Variants in CFAP299 observed in about 807,000 individuals in gnomAD.
CFAP299 encodes cilia and flagella associated protein 299, also known as cilia- and flagella-associated protein 299.
CFAP299 carries 21 observed loss-of-function variants against 27.0 expected under a neutral mutation model. The ratio of observed to expected loss-of-function variants is 0.78; its 90% CI spans 0.55 to 1.12. CFAP299 has a LOEUF of 1.12. Among genes scored for constraint, CFAP299 ranks in the 50% most tolerant of loss-of-function variants. The pLI, the probability that CFAP299 is intolerant of heterozygous loss-of-function variation, is 0.00. For missense variants in CFAP299, 310 were observed against 276.6 expected, an observed-to-expected ratio of 1.12 and a Z score of -0.86; for synonymous variants, 104 against 98.1, an observed-to-expected ratio of 1.06 and a Z score of -0.36.
intron 2 of CFAP299, among the ~76,000 whole-genome samples, chr4:80,507,193 G>A (rs1019017541): frequency 6.6e-6 from 1 of 152,066 alleles, no homozygotes; most frequent in Admixed American, 6.6e-5. Context: ...GCAGGTGGGT[G>A]GTTGGGAAAG....
intron 3 of CFAP299, among the ~76,000 whole-genome samples, chr4:80,730,918 A>G (rs764094083): frequency 6.6e-4 from 100 of 152,184 alleles, no homozygotes; most frequent in Non-Finnish European, 9.6e-4. Flanking sequence ...GCCTTTGCAC[A>G]TGCCTTTATT....
chr4:80,933,394 G>A (rs971707571), intron 4 of CFAP299, among the ~76,000 whole-genome samples: 8 of 152,146 alleles, frequency 5.3e-5, no homozygotes, highest in African/African-American at 1.9e-4. Context: ...AGATCAAACA[G>A]TATTTGCCTT....
At chr4:80,580,130 C>G (rs1461011083) in intron 2 of CFAP299, among the ~76,000 whole-genome samples, 1 of 152,056 alleles carries the variant, frequency 6.6e-6, no homozygotes, top group African/African-American at 2.4e-5. Flanking sequence ...CACTGATTAT[C>G]ATAGATTCAA....
chr4:80,646,426 A>T (rs1740013678), intron 3 of CFAP299, among the ~76,000 whole-genome samples: 1 of 152,152 alleles, frequency 6.6e-6, no homozygotes, highest in Non-Finnish European at 1.5e-5. Context: ...CTAATTTCTA[A>T]TCAGCTAATT....
intron 1 of CFAP299, among the ~76,000 whole-genome samples, chr4:80,349,109 A>G (rs1722898956): frequency 6.6e-6 from 1 of 152,120 alleles, no homozygotes; most frequent in South Asian, 2.1e-4. Context: ...CTGCCATACA[A>G]TTTTAATGGT....
At chr4:80,919,929 A>G (rs1341437530) in intron 4 of CFAP299, among the ~76,000 whole-genome samples, 2 of 152,086 alleles carry the variant, frequency 1.3e-5, no homozygotes, top group East Asian at 3.9e-4. Flanking sequence ...CCAGCTCCAT[A>G]ATGTAGGCTA....
At chr4:80,379,071 G>A (rs529662986) in intron 2 of CFAP299, among the ~76,000 whole-genome samples, 1 of 152,054 alleles carries the variant, frequency 6.6e-6, no homozygotes, top group African/African-American at 2.4e-5. Flanking sequence ...TCTACCACTG[G>A]AGTTTTCTTT....
intron 2 of CFAP299, among the ~76,000 whole-genome samples, chr4:80,566,359 C>T (rs573294264): frequency 1.3e-5 from 2 of 152,096 alleles, no homozygotes; most frequent in South Asian, 4.2e-4. Context: ...CCTATTTGTA[C>T]ACTCCTCTGC....
At chr4:80,345,267 T>C (rs1425127348) in intron 1 of CFAP299, among the ~76,000 whole-genome samples, 2 of 151,528 alleles carry the variant, frequency 1.3e-5, no homozygotes, top group African/African-American at 4.8e-5. Flanking sequence ...ACAGTTTCTT[T>C]TTGTTATTAT....
At chr4:80,519,031 GA>G (rs111404396) in intron 2 of CFAP299, among the ~76,000 whole-genome samples, 11,529 of 152,092 alleles carry the variant, frequency 0.076, 627 homozygotes, top group East Asian at 0.25. Context: ...GACTGTAGAA[GA>G]GTCAAAAATT....
At chr4:80,644,040 G>A (rs1045409195) in intron 3 of CFAP299, among the ~76,000 whole-genome samples, 1 of 152,110 alleles carries the variant, frequency 6.6e-6, no homozygotes, top group African/African-American at 2.4e-5. Flanking sequence ...GCATCATAGT[G>A]TTTCCACCCT....
rs572236335 is a variant in CFAP299, at chr4:80,906,959, C to G, written c.476+36824C>G. Reference sequence around the variant, plus strand: ...TACTTATGTAAATTTCTGCAGCTGGCTTGAATTTCTCTCCAAAAAATGGGC... The same window carrying G: ...TACTTATGTAAATTTCTGCAGCTGGGTTGAATTTCTCTCCAAAAAATGGGC... On this transcript the variant is annotated intron_variant, in intron 4 of 5. Coordinates refer to ENST00000358105, the MANE Select transcript of CFAP299 (RefSeq NM_152770.3). Among the ~76,000 whole-genome samples the G allele has an allele frequency of 2.2e-4, 34 of 152,280 alleles. No individual in the cohort carries two copies. The South Asian group carries it at 7.1e-3, about 32-fold the overall frequency.
chr4:80,694,554 G>A (rs1720967299), intron 3 of CFAP299, among the ~76,000 whole-genome samples: 1 of 152,212 alleles, frequency 6.6e-6, no homozygotes, highest in Non-Finnish European at 1.5e-5. Context: ...GTATGCAGAA[G>A]AGTTGCCAAT....
At chr4:80,675,937 C>T (rs888196391) in intron 3 of CFAP299, among the ~76,000 whole-genome samples, 2 of 151,824 alleles carry the variant, frequency 1.3e-5, no homozygotes, top group South Asian at 4.1e-4. Flanking sequence ...TTTCCAGGTA[C>T]AGTCTGTCAT....
chr4:80,536,920 A>G (rs777327922), intron 2 of CFAP299, among the ~76,000 whole-genome samples: 1 of 152,124 alleles, frequency 6.6e-6, no homozygotes, highest in Admixed American at 6.5e-5. Flanking sequence ...AACCTACAGA[A>G]TGGGAGAATG....
chr4:80,590,968 T>A (rs1736714804), intron 3 of CFAP299, among the ~76,000 whole-genome samples: 1 of 152,082 alleles, frequency 6.6e-6, no homozygotes, highest in Non-Finnish European at 1.5e-5. Context: ...CTTAGCAGGA[T>A]GTTGGCTACC....
chr4:80,919,574 G>T lies in CFAP299; in HGVS notation c.477-25236G>T, dbSNP rs183644905. The stretch of plus-strand genomic sequence containing the variant: ...TTATTTTATTTTCCAAACTGCATAA[G>T]CAACTGGTTTTCTTTTGAGTCCATG... On this transcript the variant is annotated intron_variant, in intron 4 of 5. Transcript: ENST00000358105. Among the ~76,000 whole-genome samples, 182 of 152,242 alleles carry T rather than the reference G, an allele frequency of 1.2e-3. 2 individuals are homozygous for T. Among genetic ancestry groups the T allele is most frequent in the Non-Finnish European group, 1.7e-3 (118 of 68,012 alleles).
chr4:80,670,031 C>T (rs181849195), intron 3 of CFAP299, among the ~76,000 whole-genome samples: 3 of 151,306 alleles, frequency 2.0e-5, no homozygotes, highest in East Asian at 3.9e-4. Flanking sequence ...GGTACTTGTG[C>T]ACAACGTGCA....
chr4:80,499,817 T>C (rs1168073804), intron 2 of CFAP299, among the ~76,000 whole-genome samples: 2 of 152,142 alleles, frequency 1.3e-5, no homozygotes, highest in African/African-American at 4.8e-5. Flanking sequence ...ATTTCTTTGA[T>C]TGAAATACTC....
Sources: allele counts gnomAD v4.1 joint callset (sites outside exome capture counted in the v4.1 genomes callset), GRCh38; gene constraint gnomAD v4.1.1; transcripts MANE v1.5; gene names NCBI Gene and HGNC (gene_info 2026-07-23, HGNC 2026-07-21).